SYDE2: variants seen among roughly 807,000 people sequenced by gnomAD.
SYDE2 encodes synapse defective Rho GTPase homolog 2.
Under a neutral mutation model 91.5 loss-of-function variants are expected in SYDE2, and 76 were observed. The ratio of observed to expected loss-of-function variants is 0.83; its 90% confidence interval spans 0.69 to 1.01. SYDE2 has a LOEUF of 1.01. Ranked by LOEUF, SYDE2 falls within the 50% of genes least tolerant of loss-of-function variation. The pLI, the probability that SYDE2 is intolerant of heterozygous loss-of-function variation, is 0.00. For synonymous variants in SYDE2, 513 were observed against 506.4 expected (o/e 1.01, Z -0.18); for missense variants, 1,364 against 1,367.7 (o/e 1.00, Z 0.04).
intron 6 of SYDE2, among the ~76,000 whole-genome samples, chr1:85,162,038 T>C (rs987894704): frequency 2.0e-5 from 3 of 152,186 alleles, no homozygotes; most frequent in Non-Finnish European, 4.4e-5. Context: ...TAAAAAAGTA[T>C]TGGCAGGACG....
intron 2 of SYDE2, 131 bp downstream of exon 2, chr1:85,189,926 C>T (rs1318581643): frequency 5.4e-6 from 4 of 744,086 alleles, no homozygotes; most frequent in Non-Finnish European, 8.4e-6. Flanking sequence ...GTTTTATTTT[C>T]ATGAAAATAT....
At chr1:85,184,977 C>A (rs1468631652) in intron 2 of SYDE2, among the ~76,000 whole-genome samples, 4 of 151,598 alleles carry the variant, frequency 2.6e-5, no homozygotes, top group Non-Finnish European at 5.9e-5. Context: ...ATTCTCTGAT[C>A]AAAAATTATT....
intron 5 of SYDE2, among the ~76,000 whole-genome samples, chr1:85,168,153 C>T (rs890497763): frequency 6.6e-6 from 1 of 152,040 alleles, no homozygotes; most frequent in Middle Eastern, 3.4e-3. Context: ...GTTGGGAAAC[C>T]AGTATCTCTA....
chr1:85,168,974 T>C (rs975409998), intron 5 of SYDE2, 70 bp downstream of exon 5: 2 of 1,346,774 alleles, frequency 1.5e-6, no homozygotes, highest in Non-Finnish European at 2.1e-6. Flanking sequence ...TAAAATTATT[T>C]GTAGCTCTGG....
rs1424590169 is a variant in SYDE2, at chr1:85,178,184, A to T, written c.2633T>A (p.Leu878Gln). The T allele has an allele frequency of 6.3e-7, 1 of 1,584,754 alleles. No individual in the cohort carries two copies. Among genetic ancestry groups the T allele is most frequent in the African/African-American group, 1.3e-5 (1 of 74,266 alleles). Residue 878 changes from leucine to glutamine, a missense_variant, in exon 4 of 7, where the codon CTG becomes CAG. Transcript: ENST00000341460. ...TATATCTGGGTACTGGTTTTCACACAGACCAACAGCTTTGCTATCTCTCTC... is the reference window on the plus strand; with the variant it reads ...TATATCTGGGTACTGGTTTTCACACTGACCAACAGCTTTGCTATCTCTCTC... ...AFERDSKAVGLCENQYPDINV... is the reference protein window; with the variant it reads ...AFERDSKAVGQCENQYPDINV...
intron 3 of SYDE2, 76 bp from the exon 4 acceptor site, chr1:85,178,348 C>A (rs1570250417): frequency 2.2e-6 from 3 of 1,349,904 alleles, no homozygotes; most frequent in Admixed American, 2.6e-5. Context: ...ATCACATGAA[C>A]TTTGCAATCA....
In SYDE2 at chr1:85,158,422, G is replaced by T. The variant is rs1330861657; in HGVS notation, c.*328C>A. The stretch of plus-strand genomic sequence containing the variant: ...ACATCTGTCTCAGCTACAGAAGAGT[G>T]GTTCCCATAAAGCAGAAAAACCTTG... On this transcript the variant is annotated 3_prime_UTR_variant, in exon 7 of 7. Coordinates refer to ENST00000341460, the MANE Select transcript of SYDE2 (RefSeq NM_032184.2). The T allele has an allele frequency of 4.8e-6, 1 of 208,422 alleles. No homozygotes were observed. Among genetic ancestry groups the T allele is most frequent in the Non-Finnish European group, 9.3e-6 (1 of 107,160 alleles). 12.9% of individuals were successfully genotyped at this position (208,422 alleles called of 1,614,324 possible). A position where few individuals can be genotyped will look rare whatever the true frequency, so the allele number is the denominator to read the frequency against.
chr1:85,163,442 A>AATATAT (rs1491322072), intron 6 of SYDE2, among the ~76,000 whole-genome samples: 54 of 50,758 alleles, frequency 1.1e-3, no homozygotes, highest in Admixed American at 2.2e-3. Context: ...CTTGTACTTT[A>AATATAT]ATCTATATAT....
chr1:85,159,283 G>C, intron 6 of SYDE2, 34 bp from the exon 7 acceptor site: 2 of 760,430 alleles, frequency 2.6e-6, no homozygotes, highest in Non-Finnish European at 4.8e-6. Flanking sequence ...TTTAGTGACA[G>C]TAATCCAACT....
rs1657959585 is a variant in SYDE2, at chr1:85,182,382, T to G, written c.2260A>C (p.Arg754=). ...LVVFSWEPTP[R]KNRVCCHGTV... Reference sequence around the variant, plus strand: ...CCATGACAACAAACTCGATTTTTTCTTGGAGTGGGTTCCCAACTGAATACT... The same window carrying G: ...CCATGACAACAAACTCGATTTTTTCGTGGAGTGGGTTCCCAACTGAATACT... The change falls in exon 3 of 7, where the codon AGA becomes CGA. Residue 754 remains arginine, a synonymous_variant. Coordinates refer to ENST00000341460, the MANE Select transcript of SYDE2 (RefSeq NM_032184.2). 1 of 1,613,812 alleles carries G rather than the reference T, an allele frequency of 6.2e-7. No homozygotes were observed. The highest frequency in any genetic ancestry group is 1.3e-5 in the African/African-American group (1 of 75,044).
In SYDE2 at chr1:85,200,978, CAG is replaced by C; in HGVS notation, c.17_18del (p.Pro6ArgfsTer227). ...CTGCCGCCCCGCCGCGCGCCCGAGT[CAG>C]GGGGCAGGTCGTGCATGGCCTGGAT... The part of the protein sequence containing the change: MHDLP[P>X]DSGARRGGRG... On this transcript the variant is annotated frameshift_variant, in exon 1 of 7. Coordinates refer to ENST00000341460, the MANE Select transcript of SYDE2 (RefSeq NM_032184.2). LOFTEE classifies it high-confidence loss of function. The C allele has an allele frequency of 7.7e-7, 1 of 1,305,980 alleles. No homozygotes were observed. 80.9% of individuals were successfully genotyped at this position (1,305,980 alleles called of 1,614,324 possible). A position where few individuals can be genotyped will look rare whatever the true frequency, so the allele number is the denominator to read the frequency against.
In SYDE2 at chr1:85,157,852, T is replaced by C. The variant is rs572905486; in HGVS notation, c.*898A>G. 1 of 152,316 alleles carries C rather than the reference T, an allele frequency of 6.6e-6. No homozygotes were observed. Among genetic ancestry groups the C allele is most frequent in the East Asian group, 1.9e-4 (1 of 5,190 alleles). 9.4% of individuals were successfully genotyped at this position (152,316 alleles called of 1,614,324 possible). A position where few individuals can be genotyped will look rare whatever the true frequency, so the allele number is the denominator to read the frequency against. ...CCCCATCCTGATATCTATACATATA[T>C]GCATTTATAAATATATACAGTTTCA... On this transcript the variant is annotated 3_prime_UTR_variant, in exon 7 of 7. Coordinates refer to ENST00000341460, the MANE Select transcript of SYDE2 (RefSeq NM_032184.2).
intron 6 of SYDE2, 99 bp from the exon 7 acceptor site, chr1:85,159,348 CA>C (rs1408379413): frequency 1.0e-5 from 7 of 679,446 alleles, no homozygotes; most frequent in Middle Eastern, 3.4e-4. Context: ...CAACTACAAA[CA>C]TGCATTAAAA....
intron 3 of SYDE2, among the ~76,000 whole-genome samples, chr1:85,179,018 T>A (rs1252598374): frequency 1.3e-5 from 2 of 152,108 alleles, no homozygotes; most frequent in Non-Finnish European, 2.9e-5. Context: ...TCTTAAGTTA[T>A]TCACTATAAA....
Position 85,169,083 on chromosome 1 carries a change from GTACT to G in SYDE2, c.2810_2813del (p.Lys937ThrfsTer17). Reference sequence around the variant, plus strand: ...GCAGACAATCCAGCAGGTCAACAGTGTACTTAGAGTCACCTGGGTCATTCTCACA... The same window carrying G: ...GCAGACAATCCAGCAGGTCAACAGTGTAGAGTCACCTGGGTCATTCTCACA... On this transcript the variant is annotated frameshift_variant, in exon 5 of 7. Transcript: ENST00000341460. LOFTEE classifies it high-confidence loss of function. 6.2e-7 allele frequency: 1 copy of G among 1,613,866 alleles called. No homozygotes were observed. The highest frequency in any genetic ancestry group is 8.5e-7 in the Non-Finnish European group (1 of 1,179,814).
rs1313451372 is a variant in SYDE2 at position 85,157,244 on chromosome 1, A to G, written c.*1506T>C. 2 of 152,084 alleles carry G rather than the reference A, an allele frequency of 1.3e-5. No homozygotes were observed. Among genetic ancestry groups the G allele is most frequent in the East Asian group, 3.8e-4 (2 of 5,204 alleles). The allele number at this position is 152,084 out of a possible 1,614,324, so 9.4% of individuals were successfully genotyped here. On this transcript the variant is annotated 3_prime_UTR_variant, in exon 7 of 7. Transcript: ENST00000341460. ...AGTTGGTAACTTAAAGTCTATTTAT[A>G]ATTTTAAAATTACATATTCTGTAGA...
chr1:85,169,866 G>A (rs1230338016), intron 4 of SYDE2, among the ~76,000 whole-genome samples: 1 of 152,060 alleles, frequency 6.6e-6, no homozygotes, highest in Admixed American at 6.6e-5. Flanking sequence ...AAAGTCAATT[G>A]CAAACATTCC....
rs984169628 is a variant in SYDE2 at position 85,157,290 on chromosome 1, A to C, written c.*1460T>G. On this transcript the variant is annotated 3_prime_UTR_variant, in exon 7 of 7. Transcript: ENST00000341460. ...GTAGATATAAAAGTTAAAAAAATAC[A>C]TTTTGATTTAATACAAAAGCCTTCT... 6 of 152,066 alleles carry C rather than the reference A, an allele frequency of 3.9e-5. No homozygotes were observed. Among genetic ancestry groups the C allele is most frequent in the African/African-American group, 1.4e-4 (6 of 41,446 alleles). The allele number at this position is 152,066 out of a possible 1,614,324, so 9.4% of individuals were successfully genotyped here. A position where few individuals can be genotyped will look rare whatever the true frequency, so the allele number is the denominator to read the frequency against.
chr1:85,196,889 C>G (rs1216906134), intron 1 of SYDE2, among the ~76,000 whole-genome samples: 1 of 152,264 alleles, frequency 6.6e-6, no homozygotes, highest in East Asian at 1.9e-4. Flanking sequence ...CTAATTAATA[C>G]TACCTTAAAA....
Sources: allele counts gnomAD v4.1 joint callset (sites outside exome capture counted in the v4.1 genomes callset), GRCh38; gene constraint gnomAD v4.1.1; transcripts MANE v1.5; gene names NCBI Gene and HGNC (gene_info 2026-07-23, HGNC 2026-07-21).